ZC3H11A: variants seen among roughly 807,000 people sequenced by gnomAD.
ZC3H11A encodes zinc finger CCCH-type containing 11A.
In ZC3H11A, 22 loss-of-function variants were observed where a neutral mutation model predicts 90.8. The observed-to-expected ratio is 0.24, with a 90% CI of 0.17 to 0.35. The LOEUF is 0.35. Ranked by LOEUF, ZC3H11A falls within the 10% of genes least tolerant of loss-of-function variation. ZC3H11A has a pLI of 1.00. For missense variants in ZC3H11A, 701 were observed against 964.9 expected (o/e 0.73, Z 3.62); for synonymous variants, 294 against 339.8 (o/e 0.87, Z 1.48).
At chr1:203,800,339 A>G in intron 1 of ZC3H11A, 1 of 893,288 alleles carries the variant, frequency 1.1e-6, no homozygotes, top group Non-Finnish European at 1.8e-6. Flanking sequence ...ACAATATAGA[A>G]CAACTGATGT....
At chr1:203,799,894 A>G in intron 1 of ZC3H11A, 2 of 1,536,078 alleles carry the variant, frequency 1.3e-6, no homozygotes, top group Non-Finnish European at 1.7e-6. Flanking sequence ...TTAGAAACTT[A>G]TAAGCAGTTC....
At chr1:203,831,629 T>C (rs185377117) in intron 8 of ZC3H11A, 32 bp from the exon 9 acceptor site, 55 of 1,576,940 alleles carry the variant, frequency 3.5e-5, no homozygotes, top group Non-Finnish European at 4.8e-5. Context: ...TTTCCATAAA[T>C]TATTTGCTGT....
intron 11 of ZC3H11A, among the ~76,000 whole-genome samples, chr1:203,838,937 C>T (rs889483849): frequency 6.6e-5 from 9 of 136,790 alleles, no homozygotes; most frequent in Admixed American, 1.6e-4. Flanking sequence ...CCTGGGTGAC[C>T]GAGTGAGACT....
chr1:203,817,601 GT>G (rs1214000733), intron 3 of ZC3H11A, among the ~76,000 whole-genome samples: 1 of 151,904 alleles, frequency 6.6e-6, no homozygotes, highest in East Asian at 1.9e-4. Context: ...TGCTTTTGCA[GT>G]TTTTTGGCTT....
At chr1:203,849,462 A>G (rs528403905) in intron 14 of ZC3H11A, among the ~76,000 whole-genome samples, 3 of 152,350 alleles carry the variant, frequency 2.0e-5, no homozygotes, top group Admixed American at 2.0e-4. Context: ...TTTAGGAATC[A>G]TTAGTATTTG....
chr1:203,805,641 A>C (rs1672068073), intron 2 of ZC3H11A: 1 of 698,626 alleles, frequency 1.4e-6, no homozygotes, highest in Admixed American at 1.8e-5. Context: ...ATCTGTGGCA[A>C]TCCAAATTCA....
intron 10 of ZC3H11A, among the ~76,000 whole-genome samples, chr1:203,836,293 G>A (rs1425238502): frequency 6.6e-6 from 1 of 152,034 alleles, no homozygotes; most frequent in East Asian, 1.9e-4. Flanking sequence ...ACTTTGTGAT[G>A]GTTTTATATT....
At chr1:203,840,210 A>G (rs1332807808) in intron 11 of ZC3H11A, 96 bp from the exon 12 acceptor site, 12 of 1,233,330 alleles carry the variant, frequency 9.7e-6, no homozygotes, top group Non-Finnish European at 1.4e-5. Flanking sequence ...AAGTTCTGGG[A>G]TTACAGGTGT....
rs1428047378 is a variant in ZC3H11A, at chr1:203,801,879, C to T, written c.-1283C>T. 3 of 151,658 alleles carry T rather than the reference C, an allele frequency of 2.0e-5. No individual in the cohort carries two copies. Among genetic ancestry groups the T allele is most frequent in the Non-Finnish European group, 4.4e-5 (3 of 67,886 alleles). The allele number at this position is 151,658 out of a possible 1,614,324, so 9.4% of individuals were successfully genotyped here. Reference sequence around the variant, plus strand: ...CCATTGTGAAATGAAATCTCAACTCCAAAAGTTTACCCTTTTACTAACTGG... The same window carrying T: ...CCATTGTGAAATGAAATCTCAACTCTAAAAGTTTACCCTTTTACTAACTGG... On this transcript the variant is annotated 5_prime_UTR_variant, in exon 2 of 18. The change creates a premature stop within an existing upstream ORF in the 5' untranslated region. Transcript: ENST00000367210.
rs1427816892 is a variant in ZC3H11A at position 203,847,703 on chromosome 1, G to A, written c.1546+16G>A. The A allele has an allele frequency of 4.4e-6, 7 of 1,608,582 alleles. No homozygotes were observed. Among genetic ancestry groups the A allele is most frequent in the Non-Finnish European group, 5.9e-6 (7 of 1,178,506 alleles). ...AAAAGAACAGGTAACAAGAGAACTT[G>A]GTCTCTAGTACCACGTCCCCACATA... On this transcript the variant is annotated intron_variant, in intron 13 of 17. Transcript: ENST00000367210.
chr1:203,852,333 T>A lies in ZC3H11A; in HGVS notation c.2367T>A (p.Ile789=). ...CAGGAGGCAAATTGGAAGCTGAGATTGACCTGGATCCTGGGAAAGATGAAG... is the reference window on the plus strand; with the variant it reads ...CAGGAGGCAAATTGGAAGCTGAGATAGACCTGGATCCTGGGAAAGATGAAG... The part of the protein sequence containing the change: ...EISGGKLEAE[I]DLDPGKDEDD... The change falls in exon 18 of 18, where the codon ATT becomes ATA. Residue 789 remains isoleucine, a synonymous_variant. Coordinates refer to ENST00000367210, the MANE Select transcript of ZC3H11A (RefSeq NM_001376342.1). The A allele has an allele frequency of 1.2e-6, 2 of 1,613,814 alleles. No homozygotes were observed. Among genetic ancestry groups the A allele is most frequent in the Non-Finnish European group, 1.7e-6 (2 of 1,179,864 alleles).
chr1:203,815,132 A>G (rs538707192), intron 2 of ZC3H11A, among the ~76,000 whole-genome samples: 14 of 150,998 alleles, frequency 9.3e-5, no homozygotes, highest in African/African-American at 2.7e-4. Flanking sequence ...GCCTGGCCAT[A>G]TATCATAATT....
intron 2 of ZC3H11A, among the ~76,000 whole-genome samples, chr1:203,812,050 C>T (rs1674657631): frequency 1.3e-5 from 2 of 152,100 alleles, no homozygotes; most frequent in Admixed American, 1.3e-4. Context: ...CTACTGACCT[C>T]AAGTGATCCA....
chr1:203,820,359 G>A (rs1404829529), intron 4 of ZC3H11A, among the ~76,000 whole-genome samples: 1 of 152,030 alleles, frequency 6.6e-6, no homozygotes, highest in Non-Finnish European at 1.5e-5. Flanking sequence ...AACACTTATG[G>A]TAGCTATAGG....
In ZC3H11A at chr1:203,847,682, G is replaced by A. The variant is rs764590277; in HGVS notation, c.1541G>A (p.Arg514Lys). ...GARRLLRITK[R>K]TGMKEEKNLQ... The stretch of plus-strand genomic sequence containing the variant: ...AGGCGGCTGCTGCGAATCACCAAAA[G>A]AACAGGTAACAAGAGAACTTGGTCT... Residue 514 changes from arginine to lysine, a missense_variant, in exon 13 of 18, where the codon AGA (arginine) becomes AAA (lysine). Physicochemically the swap from Arg to Lys is conservative, Grantham distance 26. Transcript: ENST00000367210. 6.2e-7 allele frequency: 1 copy of A among 1,611,948 alleles called. No homozygotes were observed. The highest frequency in any genetic ancestry group is 8.5e-7 in the Non-Finnish European group (1 of 1,179,700).
At chr1:203,809,827 G>A (rs1281311019) in intron 2 of ZC3H11A, among the ~76,000 whole-genome samples, 3 of 152,108 alleles carry the variant, frequency 2.0e-5, no homozygotes, top group Non-Finnish European at 2.9e-5. Context: ...GGTGGCAGGC[G>A]CCTGTAATTC....
intron 15 of ZC3H11A, 145 bp from the exon 16 acceptor site, chr1:203,850,370 C>A: frequency 8.0e-7 from 1 of 1,244,812 alleles, no homozygotes; most frequent in South Asian, 1.2e-5. Context: ...CCACAAATTG[C>A]CTTTGAATCG....
At chr1:203,818,160 G>A (rs945005391) in intron 3 of ZC3H11A, among the ~76,000 whole-genome samples, 2 of 152,068 alleles carry the variant, frequency 1.3e-5, no homozygotes, top group African/African-American at 4.8e-5. Context: ...CATAAAGTAT[G>A]CAGTGGAGCA....
chr1:203,844,699 G>A (rs1687396810), intron 12 of ZC3H11A, among the ~76,000 whole-genome samples: 4 of 152,268 alleles, frequency 2.6e-5, no homozygotes, highest in African/African-American at 7.2e-5. Flanking sequence ...TGGAGAGGGT[G>A]TACTAACAGG....
Sources: allele counts gnomAD v4.1 joint callset (sites outside exome capture counted in the v4.1 genomes callset), GRCh38; gene constraint gnomAD v4.1.1; transcripts MANE v1.5; gene names NCBI Gene and HGNC (gene_info 2026-07-23, HGNC 2026-07-21).